Variants in AMZ1 observed in about 807,000 individuals in gnomAD.
The protein encoded by AMZ1 is archaelysin family metallopeptidase 1.
A neutral mutation model predicts 29.9 loss-of-function variants in AMZ1; 39 were observed. The ratio of observed to expected loss-of-function variants is 1.30; its 90% confidence interval spans 1.01 to 1.70. AMZ1 has a LOEUF of 1.70. AMZ1 is among the 40% of genes most tolerant of loss of function. AMZ1 has a pLI of 0.00. For missense variants in AMZ1, 1,041 were observed against 680.6 expected, an observed-to-expected ratio of 1.53 and a Z score of -5.89; for synonymous variants, 458 against 304.0, an observed-to-expected ratio of 1.51 and a Z score of -5.27.
rs75954840 is a variant in AMZ1, at chr7:2,712,419, C to T, written c.1038C>T (p.Ala346=). 1.0e-3 allele frequency: 1,655 copies of T among 1,611,972 alleles called. 20 individuals are homozygous for T. In the African/African-American group the frequency reaches 0.018, roughly 18 times the overall value. Residue 346 remains alanine, a synonymous_variant, in exon 7 of 7, where the codon GCC becomes GCT. Transcript: ENST00000683327. ...CAGTGTGGGAGGACACCCCGCCTGCCAGCGCCGACTCGGGCATGTGCTGTG... is the reference window on the plus strand; with the variant it reads ...CAGTGTGGGAGGACACCCCGCCTGCTAGCGCCGACTCGGGCATGTGCTGTG... ...EPSVWEDTPP[A]SADSGMCCES... is the part of the protein sequence containing the mutation.
intron 4 of AMZ1, among the ~76,000 whole-genome samples, chr7:2,752,499 C>G (rs1184293375): frequency 6.6e-6 from 1 of 152,110 alleles, no homozygotes; most frequent in East Asian, 1.9e-4. Context: ...GACTGGAAAG[C>G]AAGAAATAAA....
chr7:2,682,987 C>T (rs1034361750), intron 1 of AMZ1, among the ~76,000 whole-genome samples: 3 of 152,250 alleles, frequency 2.0e-5, no homozygotes, highest in African/African-American at 7.2e-5. Flanking sequence ...TGCCTGCACC[C>T]TCGCCTGCTG....
upstream of AMZ1, chr7:2,762,725 C>G (rs1352513800): frequency 1.9e-6 from 3 of 1,559,120 alleles, no homozygotes; most frequent in African/African-American, 1.4e-5. Flanking sequence ...GAAGCAGGCC[C>G]CATGTCCTCC....
chr7:2,757,528 G>C (rs1791361151), intron 4 of AMZ1, among the ~76,000 whole-genome samples: 1 of 152,138 alleles, frequency 6.6e-6, no homozygotes, highest in African/African-American at 2.4e-5. Context: ...GCTTGAAAAA[G>C]GATGACAAGC....
Position 2,717,171 on chromosome 7 carries a change from G to A in AMZ1, c.*4293G>A, listed in dbSNP as rs915388457. Among the ~76,000 whole-genome samples the A allele has an allele frequency of 6.6e-6, 1 of 152,198 alleles. No homozygotes were observed. On this transcript the variant is annotated 3_prime_UTR_variant, in exon 7 of 7. Transcript: ENST00000683327. ...CCTGGGTGGGTGGCCGGCACTCTTA[G>A]GTGAGGTGCCAACGAAAACACCCCC... is the stretch of plus-strand genomic sequence containing the variant.
intron 3 of AMZ1, among the ~76,000 whole-genome samples, chr7:2,704,640 A>AGGCT (rs1788247459): frequency 8.3e-6 from 1 of 120,728 alleles, no homozygotes; most frequent in Non-Finnish European, 1.6e-5. Context: ...TGTGTCACCC[A>AGGCT]GGCTGGAGTG....
intron 3 of AMZ1, among the ~76,000 whole-genome samples, chr7:2,707,106 C>A (rs543249593): frequency 6.6e-6 from 1 of 152,206 alleles, no homozygotes; most frequent in African/African-American, 2.4e-5. Flanking sequence ...AATCTCCTTT[C>A]TACTAAAAAT....
At position 2,700,762 on chromosome 7, in the gene AMZ1, G is replaced by C. The variant is rs569976249; in HGVS notation, c.304+7G>C. On this transcript the variant is annotated splice_region_variant and intron_variant, in intron 2 of 6. Coordinates refer to ENST00000683327, the MANE Select transcript of AMZ1 (RefSeq NM_001384743.1). ...ATCTACCTACAGCCGATAGGTACGG[G>C]ACGCCTGCAGCCATCGGCACGCTCC... 1 of 1,609,006 alleles carries C rather than the reference G, an allele frequency of 6.2e-7. No homozygotes were observed. The highest frequency in any genetic ancestry group is 1.7e-5 in the Admixed American group (1 of 59,924).
chr7:2,722,683 GA>G (rs571867509), downstream of AMZ1, among the ~76,000 whole-genome samples: 393 of 152,342 alleles, frequency 2.6e-3, no homozygotes, highest in African/African-American at 9.0e-3. Context: ...GGCTTGTTAA[GA>G]ACCCAGACTG....
chr7:2,688,457 A>C (rs1193837749), intron 1 of AMZ1, among the ~76,000 whole-genome samples, 161 bp downstream of exon 1: 1 of 151,900 alleles, frequency 6.6e-6, no homozygotes, highest in African/African-American at 2.4e-5. Context: ...GACCGCGGAG[A>C]CGCGAAGGGC....
intron 4 of AMZ1, chr7:2,728,757 CAG>C (rs1435640910): frequency 1.1e-4 from 17 of 152,392 alleles, no homozygotes; most frequent in African/African-American, 4.1e-4. Context: ...TTTAGCCTTG[CAG>C]AGTTTCCTTC....
At chr7:2,700,959 G>T (rs1408435480) in intron 2 of AMZ1, among the ~76,000 whole-genome samples, 1 of 152,206 alleles carries the variant, frequency 6.6e-6, no homozygotes, top group Non-Finnish European at 1.5e-5. Flanking sequence ...ACGATGCTCA[G>T]ACGGCCCAGG....
exon 1 of AMZ1, chr7:2,764,800 G>A (rs917921805): frequency 5.3e-5 from 8 of 152,180 alleles, no homozygotes; most frequent in African/African-American, 7.2e-5. Context: ...GTGAGCCGGC[G>A]GACCCTGAAG....
intron 1 of AMZ1, among the ~76,000 whole-genome samples, chr7:2,694,232 G>A (rs565720553): frequency 6.6e-6 from 1 of 152,234 alleles, no homozygotes; most frequent in Non-Finnish European, 1.5e-5. Flanking sequence ...AGACGGCAGA[G>A]GGAGGAGGAG....
chr7:2,753,797 G>C (rs1791151468), intron 4 of AMZ1, among the ~76,000 whole-genome samples: 1 of 152,048 alleles, frequency 6.6e-6, no homozygotes, highest in Non-Finnish European at 1.5e-5. Flanking sequence ...TGTGCCATAA[G>C]TTTTTGTTTC....
rs1583162760 is a variant in AMZ1, at chr7:2,702,556, G to A, written c.305-166G>A. On this transcript the variant is annotated intron_variant, in intron 2 of 6. Coordinates refer to ENST00000683327, the MANE Select transcript of AMZ1 (RefSeq NM_001384743.1). ...CCTCGGTGTTTGCCCTTTTGAAAAA[G>A]TCATGCTTTCCATCCCTTTTCTAAG... 8.0e-6 allele frequency: 6 copies of A among 746,356 alleles called. No homozygotes were observed. The South Asian group carries it at 1.2e-4, about 15-fold the overall frequency. The allele number at this position is 746,356 out of a possible 1,614,324, so 46.2% of individuals were successfully genotyped here. A position where few individuals can be genotyped will look rare whatever the true frequency, so the allele number is the denominator to read the frequency against.
Position 2,718,038 on chromosome 7 carries a change from A to T in AMZ1, c.*5160A>T, listed in dbSNP as rs1562381124. Reference sequence around the variant, plus strand: ...GGCCCTCAGAGGGTCCGCGGCAGCCAGGCCCGTCCAACCTCCTGCCCTCTC... The same window carrying T: ...GGCCCTCAGAGGGTCCGCGGCAGCCTGGCCCGTCCAACCTCCTGCCCTCTC... On this transcript the variant is annotated 3_prime_UTR_variant, in exon 7 of 7. Coordinates refer to ENST00000683327, the MANE Select transcript of AMZ1 (RefSeq NM_001384743.1). Among the ~76,000 whole-genome samples, 1 of 152,180 alleles carries T rather than the reference A, an allele frequency of 6.6e-6. No individual in the cohort carries two copies. Among genetic ancestry groups the T allele is most frequent in the Non-Finnish European group, 1.5e-5 (1 of 68,030 alleles).
chr7:2,730,992 C>T (rs112969872), intron 4 of AMZ1: 12 of 534,204 alleles, frequency 2.2e-5, no homozygotes, highest in African/African-American at 9.4e-5. Flanking sequence ...CAGTAGCTAA[C>T]GTGACAGTTT....
Position 2,718,378 on chromosome 7 carries a change from C to CTCGAG in AMZ1, c.*5503_*5507dup, listed in dbSNP as rs773383075. On this transcript the variant is annotated 3_prime_UTR_variant, in exon 7 of 7. Transcript: ENST00000683327. ...TCTCAGCAAAGGCCAACACGTCTTT[C>CTCGAG]TCGAGTCCAAGACCATCTCCCGTTC... is the stretch of plus-strand genomic sequence containing the variant. Among the ~76,000 whole-genome samples, 47 of 152,314 alleles carry CTCGAG rather than the reference C, an allele frequency of 3.1e-4. No homozygotes were observed. The East Asian group carries it at 8.7e-3, about 28-fold the overall frequency.
Sources: allele counts gnomAD v4.1 joint callset (sites outside exome capture counted in the v4.1 genomes callset), GRCh38; gene constraint gnomAD v4.1.1; transcripts MANE v1.5; gene names NCBI Gene and HGNC (gene_info 2026-07-23, HGNC 2026-07-21).